GAS7: variants seen among roughly 807,000 people sequenced by gnomAD.
GAS7 encodes growth arrest specific 7.
GAS7 carries 28 observed loss-of-function variants against 71.1 expected under a neutral mutation model. The observed-to-expected ratio is 0.39, with a 90% CI of 0.29 to 0.54. The LOEUF (loss-of-function observed/expected upper bound fraction) is 0.54, where lower values mean the gene tolerates loss of function less well. Among genes scored for constraint, GAS7 ranks in the 20% least tolerant of loss-of-function variants. GAS7 has a pLI of 0.62. For synonymous variants in GAS7, 258 were observed against 245.8 expected, an observed-to-expected ratio of 1.05 and a Z score of -0.46; for missense variants, 436 against 627.8, an observed-to-expected ratio of 0.69 and a Z score of 3.27.
At chr17:10,104,638 G>C (rs2073739912) in intron 1 of GAS7, among the ~76,000 whole-genome samples, 1 of 152,092 alleles carries the variant, frequency 6.6e-6, no homozygotes, top group East Asian at 1.9e-4. Flanking sequence ...AACTAGACCT[G>C]CTCTCCATAA....
At chr17:10,093,276 T>A (rs1170493063) in intron 1 of GAS7, among the ~76,000 whole-genome samples, 1 of 152,122 alleles carries the variant, frequency 6.6e-6, no homozygotes, top group Non-Finnish European at 1.5e-5. Context: ...TATATTGAGT[T>A]TTTTAAAAGG....
chr17:10,126,996 T>C (rs992184247), intron 1 of GAS7, among the ~76,000 whole-genome samples: 7 of 152,212 alleles, frequency 4.6e-5, no homozygotes, highest in Non-Finnish European at 7.3e-5. Context: ...GCAGGCTGTT[T>C]ACTGGCCTGA....
rs1435771742 is a variant in GAS7 at position 9,969,686 on chromosome 17, A to G, written c.462T>C (p.Gly154=). The change falls in exon 4 of 14, where the codon GGT becomes GGC. Residue 154 remains glycine, a synonymous_variant. Transcript: ENST00000432992. This position sits in a 1 kb window ranked among gnomAD's most constrained non-coding sequence, Gnocchi z 5.5. ...TAHMSVRKST[G]DSQNLGSSSP... ...CAACAGGACCCCTTACCTGGGAATC[A>G]CCGGTGGATTTTCGGACACTCATGT... 4 of 1,602,114 alleles carry G rather than the reference A, an allele frequency of 2.5e-6. No individual in the cohort carries two copies. In the Admixed American group the frequency reaches 6.7e-5, roughly 27 times the overall value.
intron 5 of GAS7, among the ~76,000 whole-genome samples, chr17:9,955,009 A>G (rs2069174029): frequency 6.6e-6 from 1 of 152,190 alleles, no homozygotes; most frequent in African/African-American, 2.4e-5. Flanking sequence ...TGCACAGATG[A>G]GGAAACTGAG....
chr17:10,086,194 T>C (rs2073517660), intron 1 of GAS7, among the ~76,000 whole-genome samples: 1 of 152,192 alleles, frequency 6.6e-6, no homozygotes, highest in African/African-American at 2.4e-5. Flanking sequence ...GGAAGTGAAT[T>C]CTTTCTGCAT....
chr17:10,155,238 A>C (rs1320411189), intron 1 of GAS7, among the ~76,000 whole-genome samples: 1 of 151,684 alleles, frequency 6.6e-6, no homozygotes, highest in Non-Finnish European at 1.5e-5. Context: ...CTGGTCTCGA[A>C]CTCCTGACCT....
At chr17:9,963,676 G>C (rs75026341) in intron 4 of GAS7, among the ~76,000 whole-genome samples, 9 of 151,996 alleles carry the variant, frequency 5.9e-5, no homozygotes, top group African/African-American at 1.2e-4. Context: ...TAGAATTCAC[G>C]AGCTATAATG....
rs1164151104 is a variant in GAS7, at chr17:10,167,044, C to CTTTTTTTTTTTTTTTTTTTTTTTTTTTTT, written c.183+31135_183+31163dup. Among the ~76,000 whole-genome samples the CTTTTTTTTTTTTTTTTTTTTTTTTTTTTT allele has an allele frequency of 3.4e-5, 2 of 58,818 alleles. 1 individual carries two copies. The highest frequency in any genetic ancestry group is 5.9e-5 in the Non-Finnish European group (2 of 34,070). The allele number at this position is 58,818 out of a possible 152,430, so 38.6% of individuals were successfully genotyped here. ...AAACCAATCTACTATTTCCATTTGT[C>CTTTTTTTTTTTTTTTTTTTTTTTTTTTTT]TTTTTTTTTTTTTTTTTTTTTTTTT... is the stretch of plus-strand genomic sequence containing the variant. On this transcript the variant is annotated intron_variant, in intron 1 of 13. Transcript: ENST00000432992.
chr17:9,962,948 C>A (rs1287728094), intron 4 of GAS7, among the ~76,000 whole-genome samples: 1 of 151,468 alleles, frequency 6.6e-6, no homozygotes, highest in African/African-American at 2.4e-5. Context: ...AGAACCTGAA[C>A]CTACGCATAA....
chr17:10,177,299 G>C (rs2074380308), intron 1 of GAS7, among the ~76,000 whole-genome samples: 1 of 152,146 alleles, frequency 6.6e-6, no homozygotes, highest in Non-Finnish European at 1.5e-5. Flanking sequence ...GAGGTGTCAG[G>C]TTGCTTCCCG....
At chr17:10,180,562 T>C (rs2074407084) in intron 1 of GAS7, among the ~76,000 whole-genome samples, 1 of 152,122 alleles carries the variant, frequency 6.6e-6, no homozygotes, top group African/African-American at 2.4e-5. Context: ...CTTCAACGCC[T>C]GTTTTTCTCT....
chr17:10,174,687 G>A (rs1324077349), intron 1 of GAS7, among the ~76,000 whole-genome samples: 4 of 151,190 alleles, frequency 2.6e-5, no homozygotes, highest in South Asian at 2.1e-4. Flanking sequence ...GCGAGACTCC[G>A]TATCAAAAAA....
intron 1 of GAS7, among the ~76,000 whole-genome samples, chr17:10,141,381 G>A (rs2074079879): frequency 6.6e-6 from 1 of 152,080 alleles, no homozygotes; most frequent in South Asian, 2.1e-4. Context: ...CCGGGAGACG[G>A]AGCTTGCAGT....
At chr17:10,179,334 A>C (rs1435146661) in intron 1 of GAS7, among the ~76,000 whole-genome samples, 1 of 143,066 alleles carries the variant, frequency 7.0e-6, no homozygotes, top group African/African-American at 2.6e-5. Context: ...ACTCCATCTC[A>C]AAAAAAAAAA....
chr17:9,984,773 G>C (rs1038242193), intron 2 of GAS7, among the ~76,000 whole-genome samples: 4 of 152,072 alleles, frequency 2.6e-5, no homozygotes, highest in African/African-American at 9.7e-5. Flanking sequence ...GGATAACATC[G>C]GGCACATGGT....
intron 1 of GAS7, among the ~76,000 whole-genome samples, chr17:10,070,919 G>A (rs559698713): frequency 4.0e-5 from 6 of 149,946 alleles, no homozygotes; most frequent in African/African-American, 1.2e-4. Context: ...AAGTAATTGC[G>A]TTTTTTGCCA....
chr17:9,929,213 G>A (rs73271036), intron 9 of GAS7, among the ~76,000 whole-genome samples: 1,909 of 152,258 alleles, frequency 0.013, 50 homozygotes, highest in African/African-American at 0.043. Flanking sequence ...GGGTCTCTAA[G>A]GACATGGAAA....
intron 1 of GAS7, among the ~76,000 whole-genome samples, chr17:10,078,419 G>T (rs1338737096): frequency 1.3e-5 from 2 of 152,178 alleles, no homozygotes; most frequent in African/African-American, 4.8e-5. Context: ...GGCTAGTGAA[G>T]AGAGAAGAAT....
Position 10,147,158 on chromosome 17 carries a change from G to A in GAS7, c.183+51050C>T, listed in dbSNP as rs115248184. On this transcript the variant is annotated intron_variant, in intron 1 of 13. Transcript: ENST00000432992. ...CATGGTTTGCCATTTTTTTTAATATGTTAATTACAAACTACTGATCCATAC... is the reference window on the plus strand; with the variant it reads ...CATGGTTTGCCATTTTTTTTAATATATTAATTACAAACTACTGATCCATAC... 1.8e-3 allele frequency among the ~76,000 whole-genome samples: 276 copies of A among 152,200 alleles called. 1 individual carries two copies. Among genetic ancestry groups the A allele is most frequent in the African/African-American group, 6.4e-3 (265 of 41,538 alleles).
Sources: allele counts gnomAD v4.1 joint callset (sites outside exome capture counted in the v4.1 genomes callset), GRCh38; gene constraint gnomAD v4.1.1; non-coding constraint Gnocchi (gnomAD v3.1); transcripts MANE v1.5; gene names NCBI Gene and HGNC (gene_info 2026-07-23, HGNC 2026-07-21).